PTPRZ1: variants seen among roughly 807,000 people sequenced by gnomAD.
The protein encoded by PTPRZ1 is receptor-type tyrosine-protein phosphatase zeta.
A neutral mutation model predicts 214.1 loss-of-function variants in PTPRZ1; 82 were observed. The ratio of observed to expected loss-of-function variants is 0.38; its 90% confidence interval spans 0.32 to 0.46. The LOEUF (loss-of-function observed/expected upper bound fraction) is 0.46, where lower values mean the gene tolerates loss of function less well. PTPRZ1 is among the 20% of genes least tolerant of loss of function. PTPRZ1 has a pLI of 1.00. For missense variants in PTPRZ1, 2,603 were observed against 2,748.7 expected, an observed-to-expected ratio of 0.95 and a Z score of 1.19; for synonymous variants, 945 against 987.9, an observed-to-expected ratio of 0.96 and a Z score of 0.81.
chr7:122,061,357 G>A lies in PTPRZ1; in HGVS notation c.*137G>A, dbSNP rs566838536. On this transcript the variant is annotated 3_prime_UTR_variant, in exon 30 of 30. Transcript: ENST00000393386. ...AACTTTCATGACATAGGATTCTGCC[G>A]CCAAATTTATATCATTAACAATGTG... is the stretch of plus-strand genomic sequence containing the variant. 1.9e-5 allele frequency: 15 copies of A among 778,462 alleles called. No individual in the cohort carries two copies. In the South Asian group the frequency reaches 3.6e-4, roughly 19 times the overall value. 48.2% of individuals were successfully genotyped at this position (778,462 alleles called of 1,614,324 possible). A position where few individuals can be genotyped will look rare whatever the true frequency, so the allele number is the denominator to read the frequency against.
At chr7:121,921,220 C>G (rs1027210194) in intron 1 of PTPRZ1, among the ~76,000 whole-genome samples, 6 of 151,996 alleles carry the variant, frequency 3.9e-5, no homozygotes, top group African/African-American at 1.4e-4. Context: ...GGAAAATATA[C>G]TAACTACTTA....
chr7:121,929,355 A>C (rs1464716422), intron 2 of PTPRZ1, among the ~76,000 whole-genome samples: 2 of 152,046 alleles, frequency 1.3e-5, no homozygotes, highest in African/African-American at 4.8e-5. Context: ...TTACTAATCC[A>C]TTGAATAATT....
chr7:121,986,866 A>G (rs1315137878), intron 8 of PTPRZ1, among the ~76,000 whole-genome samples: 1 of 152,176 alleles, frequency 6.6e-6, no homozygotes, highest in Non-Finnish European at 1.5e-5. Flanking sequence ...TTTGTTGTCT[A>G]CTTATCCTAT....
At chr7:121,896,126 A>G (rs1916885) in intron 1 of PTPRZ1, among the ~76,000 whole-genome samples, 26,687 of 152,260 alleles carry the variant, frequency 0.18, 2,577 homozygotes, top group East Asian at 0.29. Flanking sequence ...AAAAAGGAAC[A>G]CATTAACAGC....
At chr7:121,948,582 T>A (rs1167744891) in intron 2 of PTPRZ1, among the ~76,000 whole-genome samples, 1 of 152,100 alleles carries the variant, frequency 6.6e-6, no homozygotes, top group African/African-American at 2.4e-5. Flanking sequence ...AGCCATCTGG[T>A]GACAAGTAGA....
At chr7:121,936,396 T>G (rs1375766221) in intron 2 of PTPRZ1, among the ~76,000 whole-genome samples, 1 of 152,242 alleles carries the variant, frequency 6.6e-6, no homozygotes, top group Non-Finnish European at 1.5e-5. Context: ...TCCTGTTATC[T>G]GTGAATACCA....
At chr7:122,045,948 G>A (rs1041133466) in intron 23 of PTPRZ1, among the ~76,000 whole-genome samples, 2 of 151,996 alleles carry the variant, frequency 1.3e-5, no homozygotes, top group African/African-American at 4.8e-5. Context: ...ATATCTATTC[G>A]AGTTTGTCTG....
chr7:121,993,061 A>G (rs1386693945), intron 8 of PTPRZ1, among the ~76,000 whole-genome samples: 1 of 152,208 alleles, frequency 6.6e-6, no homozygotes, highest in Non-Finnish European at 1.5e-5. Context: ...AGGAATCAGT[A>G]TGTGAGATAT....
intron 1 of PTPRZ1, among the ~76,000 whole-genome samples, chr7:121,926,955 T>C (rs1049885290): frequency 2.6e-5 from 4 of 152,204 alleles, no homozygotes; most frequent in African/African-American, 9.6e-5. Flanking sequence ...TTGGATAACC[T>C]GTGAATTTTA....
intron 10 of PTPRZ1, among the ~76,000 whole-genome samples, chr7:122,000,775 C>G (rs1365733964): frequency 6.8e-6 from 1 of 147,602 alleles, no homozygotes; most frequent in African/African-American, 2.5e-5. Context: ...CACCCTCCAC[C>G]TCCTGGGTTC....
chr7:121,944,704 G>A (rs1035618794), intron 2 of PTPRZ1, among the ~76,000 whole-genome samples: 4 of 151,974 alleles, frequency 2.6e-5, no homozygotes, highest in Admixed American at 1.3e-4. Flanking sequence ...GTGCAGTGGG[G>A]TGATCTCAGC....
chr7:121,965,200 C>CTGCT (rs1797008497), intron 2 of PTPRZ1, among the ~76,000 whole-genome samples: 1 of 152,164 alleles, frequency 6.6e-6, no homozygotes, highest in African/African-American at 2.4e-5. Context: ...GGAGGAAGGG[C>CTGCT]TGCTTAGCTG....
chr7:122,037,721 T>TGGAGTTAGAACTGATTTTGAATCC (rs1799593483), intron 18 of PTPRZ1, among the ~76,000 whole-genome samples: 5 of 152,198 alleles, frequency 3.3e-5, no homozygotes, highest in Admixed American at 2.6e-4. Context: ...ACATGAGATC[T>TGGAGTTAGAACTGATTTTGAATCC]GGAGTTAGAA....
intron 22 of PTPRZ1, among the ~76,000 whole-genome samples, chr7:122,043,337 A>C (rs1486845459): frequency 6.6e-6 from 1 of 152,200 alleles, no homozygotes; most frequent in Non-Finnish European, 1.5e-5. Context: ...GTCTAAGTAG[A>C]GTGGTCCACA....
At chr7:121,874,065 C>CACACACACACACACAA (rs1554421850) in intron 1 of PTPRZ1, among the ~76,000 whole-genome samples, 3 of 151,314 alleles carry the variant, frequency 2.0e-5, no homozygotes, top group African/African-American at 7.3e-5. Context: ...CACACACACA[C>CACACACACACACACAA]CTGAAAGGTA....
intron 2 of PTPRZ1, among the ~76,000 whole-genome samples, chr7:121,935,239 A>G (rs989864509): frequency 3.3e-5 from 5 of 152,198 alleles, no homozygotes; most frequent in African/African-American, 1.2e-4. Context: ...TGCTAGTAAA[A>G]CTAAATGCTA....
chr7:121,971,591 A>G (rs1355330171), intron 3 of PTPRZ1, among the ~76,000 whole-genome samples: 3 of 152,194 alleles, frequency 2.0e-5, no homozygotes, highest in Non-Finnish European at 4.4e-5. Flanking sequence ...CAATTTCCTC[A>G]TCTGTAAAAT....
chr7:121,968,562 T>C (rs1797114339), intron 3 of PTPRZ1, among the ~76,000 whole-genome samples: 1 of 151,828 alleles, frequency 6.6e-6, no homozygotes, highest in South Asian at 2.1e-4. Context: ...TCCTAGCTCT[T>C]CTATATAGAA....
intron 13 of PTPRZ1, among the ~76,000 whole-genome samples, chr7:122,023,804 A>G (rs2116699098): frequency 1.5e-5 from 2 of 134,782 alleles, no homozygotes; most frequent in Admixed American, 1.7e-4. Flanking sequence ...AATTTTATAT[A>G]TAATTATATA....
Sources: allele counts gnomAD v4.1 joint callset (sites outside exome capture counted in the v4.1 genomes callset), GRCh38; gene constraint gnomAD v4.1.1; transcripts MANE v1.5; gene names NCBI Gene and HGNC (gene_info 2026-07-23, HGNC 2026-07-21).